The following NMNAT2 variants were observed in gnomAD, a reference collection of about 807,000 sequenced individuals.
NMNAT2 encodes the protein nicotinamide nucleotide adenylyltransferase 2.
NMNAT2 carries 11 observed loss-of-function variants against 41.6 expected under a neutral mutation model. The ratio of observed to expected loss-of-function variants is 0.26; its 90% CI spans 0.17 to 0.44. The LOEUF (loss-of-function observed/expected upper bound fraction) is 0.44, where lower values mean the gene tolerates loss of function less well. NMNAT2 is among the 20% of genes least tolerant of loss of function. The probability of loss-of-function intolerance (pLI) is 1.00; values close to 1 mark genes in which losing one functional copy is unlikely to be tolerated. For synonymous variants in NMNAT2, 148 were observed against 151.2 expected (o/e 0.98, Z 0.16); for missense variants, 288 against 407.7 (o/e 0.71, Z 2.53).
chr1:183,365,315 C>T (rs1183900112), intron 1 of NMNAT2, among the ~76,000 whole-genome samples: 1 of 151,892 alleles, frequency 6.6e-6, no homozygotes, highest in Non-Finnish European at 1.5e-5. Flanking sequence ...AACAGAGCGG[C>T]AGCCCAGGGA....
chr1:183,418,107 A>T, intron 1 of NMNAT2, 76 bp downstream of exon 1: 2 of 1,395,008 alleles, frequency 1.4e-6, no homozygotes, highest in Non-Finnish European at 2.0e-6. Flanking sequence ...TTCCCGTTCG[A>T]TCGCCCTGGA....
intron 8 of NMNAT2, among the ~76,000 whole-genome samples, chr1:183,275,801 T>C (rs1484069362): frequency 6.6e-6 from 1 of 152,128 alleles, no homozygotes; most frequent in East Asian, 1.9e-4. Context: ...GCCTCCCAAG[T>C]AGCTGGGACT....
chr1:183,387,784 CA>C (rs1201847045), intron 1 of NMNAT2, among the ~76,000 whole-genome samples: 1 of 152,196 alleles, frequency 6.6e-6, no homozygotes, highest in Non-Finnish European at 1.5e-5. Context: ...TTGGTGTTTT[CA>C]TATGTCTCAC....
chr1:183,350,887 G>A (rs2102351729), intron 1 of NMNAT2, among the ~76,000 whole-genome samples: 1 of 152,296 alleles, frequency 6.6e-6, no homozygotes, highest in Admixed American at 6.5e-5. Context: ...AGATAGCTGG[G>A]ATTTGCTCCA....
chr1:183,282,007 G>C (rs753263694), intron 7 of NMNAT2, among the ~76,000 whole-genome samples: 1 of 152,158 alleles, frequency 6.6e-6, no homozygotes, highest in South Asian at 2.1e-4. Context: ...CCAGGAATCC[G>C]GGCTATGTGA....
intron 1 of NMNAT2, among the ~76,000 whole-genome samples, chr1:183,305,044 T>A (rs1571587308): frequency 6.6e-6 from 1 of 151,426 alleles, no homozygotes; most frequent in Admixed American, 6.6e-5. Context: ...CCCATTCCCA[T>A]CCCGCATCCT....
intron 8 of NMNAT2, 133 bp downstream of exon 8, chr1:183,278,420 T>C: frequency 1.6e-6 from 1 of 617,820 alleles, no homozygotes. Context: ...GTGAGAATTT[T>C]CTACCATAGT....
intron 1 of NMNAT2, among the ~76,000 whole-genome samples, chr1:183,389,748 GA>G (rs1266788495): frequency 2.5e-4 from 2 of 7,872 alleles, no homozygotes; most frequent in Non-Finnish European, 5.0e-4. Flanking sequence ...AAGAAAGAAA[GA>G]AAGAAAGAAA....
At chr1:183,394,763 G>A (rs1355866498) in intron 1 of NMNAT2, among the ~76,000 whole-genome samples, 3 of 152,200 alleles carry the variant, frequency 2.0e-5, no homozygotes, top group South Asian at 4.1e-4. Context: ...ACATCTCAAT[G>A]AGGTCCTCTG....
At chr1:183,330,061 G>GC (rs1348572300) in intron 1 of NMNAT2, among the ~76,000 whole-genome samples, 1 of 152,198 alleles carries the variant, frequency 6.6e-6, no homozygotes, top group African/African-American at 2.4e-5. Context: ...AACAGTGACT[G>GC]AGCATATGGA....
chr1:183,356,729 C>T (rs1416133814), intron 1 of NMNAT2, among the ~76,000 whole-genome samples: 2 of 152,200 alleles, frequency 1.3e-5, no homozygotes, highest in African/African-American at 2.4e-5. Context: ...GAGAAATGTT[C>T]ACCTTTGGAA....
At chr1:183,369,696 C>T (rs1210492729) in intron 1 of NMNAT2, among the ~76,000 whole-genome samples, 1 of 152,072 alleles carries the variant, frequency 6.6e-6, no homozygotes, top group East Asian at 1.9e-4. Flanking sequence ...CCGTCGCTGT[C>T]ATCCATTTTC....
intron 1 of NMNAT2, among the ~76,000 whole-genome samples, chr1:183,351,014 G>T (rs1663034918): frequency 1.3e-5 from 2 of 152,148 alleles, no homozygotes; most frequent in African/African-American, 4.8e-5. Context: ...GGATTGCGAG[G>T]TCCCAGAGAA....
At chr1:183,357,616 A>G (rs1283945103) in intron 1 of NMNAT2, among the ~76,000 whole-genome samples, 1 of 152,156 alleles carries the variant, frequency 6.6e-6, no homozygotes, top group Non-Finnish European at 1.5e-5. Context: ...TTACACTCCT[A>G]TCAACAGTGT....
At chr1:183,414,679 C>T (rs1025597144) in intron 1 of NMNAT2, among the ~76,000 whole-genome samples, 1 of 152,122 alleles carries the variant, frequency 6.6e-6, no homozygotes, top group African/African-American at 2.4e-5. Flanking sequence ...CTATTTTTTC[C>T]TGTATGTTTC....
chr1:183,283,980 C>G lies in NMNAT2; in HGVS notation c.574+15G>C, dbSNP rs1465501618. On this transcript the variant is annotated intron_variant, in intron 7 of 10. Coordinates refer to ENST00000287713, the MANE Select transcript of NMNAT2 (RefSeq NM_015039.4). ...CAAATGTCCCCATTTTCCGCACTTTCGCAGTCCCACTCACCAATCTCTTCA... is the reference window on the plus strand; with the variant it reads ...CAAATGTCCCCATTTTCCGCACTTTGGCAGTCCCACTCACCAATCTCTTCA... 1 of 1,613,724 alleles carries G rather than the reference C, an allele frequency of 6.2e-7. No individual in the cohort carries two copies. The highest frequency in any genetic ancestry group is 2.2e-5 in the East Asian group (1 of 44,876).
At chr1:183,285,026 A>G (rs1558116731) in intron 5 of NMNAT2, among the ~76,000 whole-genome samples, 1 of 152,124 alleles carries the variant, frequency 6.6e-6, no homozygotes. Context: ...ACTGGAAGCC[A>G]TTTTCTGGTT....
intron 1 of NMNAT2, among the ~76,000 whole-genome samples, chr1:183,331,945 G>A (rs965513527): frequency 1.3e-5 from 2 of 152,066 alleles, no homozygotes; most frequent in African/African-American, 4.8e-5. Context: ...CACCACGCCC[G>A]GCTAATTTTT....
intron 1 of NMNAT2, among the ~76,000 whole-genome samples, chr1:183,336,581 G>A (rs1043939417): frequency 6.6e-6 from 1 of 152,166 alleles, no homozygotes; most frequent in Non-Finnish European, 1.5e-5. Context: ...GTTGGTGATA[G>A]GGAGGAACTG....
Sources: allele counts gnomAD v4.1 joint callset (sites outside exome capture counted in the v4.1 genomes callset), GRCh38; gene constraint gnomAD v4.1.1; transcripts MANE v1.5; gene names NCBI Gene and HGNC (gene_info 2026-07-23, HGNC 2026-07-21).